PDSS2: variants seen among roughly 807,000 people sequenced by gnomAD.
PDSS2 encodes the protein all trans-polyprenyl-diphosphate synthase PDSS2.
PDSS2 carries 31 observed loss-of-function variants against 44.5 expected under a neutral mutation model. The observed-to-expected ratio is 0.70, with a 90% CI of 0.52 to 0.94. The LOEUF (loss-of-function observed/expected upper bound fraction) is 0.94, where lower values mean the gene tolerates loss of function less well. PDSS2 is among the 40% of genes least tolerant of loss of function. The probability of loss-of-function intolerance (pLI) is 0.00; values close to 1 mark genes in which losing one functional copy is unlikely to be tolerated. For synonymous variants in PDSS2, 157 were observed against 180.3 expected, an observed-to-expected ratio of 0.87 and a Z score of 1.03; for missense variants, 452 against 482.2, an observed-to-expected ratio of 0.94 and a Z score of 0.59.
chr6:107,293,218 G>A (rs1038396523), intron 2 of PDSS2, among the ~76,000 whole-genome samples: 6 of 152,106 alleles, frequency 3.9e-5, no homozygotes, highest in South Asian at 4.1e-4. Flanking sequence ...CTCAAGTGAC[G>A]GCTCATTTCC....
chr6:107,225,511 T>C (rs1269296165), intron 4 of PDSS2, among the ~76,000 whole-genome samples: 1 of 151,996 alleles, frequency 6.6e-6, no homozygotes, highest in African/African-American at 2.4e-5. Context: ...CTACTCTATA[T>C]TATTGGTCAC....
chr6:107,225,161 A>ATTT (rs71012786), intron 4 of PDSS2, among the ~76,000 whole-genome samples: 12 of 50,388 alleles, frequency 2.4e-4, no homozygotes, highest in Admixed American at 2.9e-4. Context: ...ATATATATAT[A>ATTT]TTTTTTTTTT....
chr6:107,388,478 T>C (rs1027377274), intron 1 of PDSS2, among the ~76,000 whole-genome samples: 3 of 148,928 alleles, frequency 2.0e-5, no homozygotes, highest in African/African-American at 7.5e-5. Context: ...AGACGGAGTC[T>C]CGCTCTGTCG....
At chr6:107,282,559 CT>C (rs879504384) in intron 2 of PDSS2, among the ~76,000 whole-genome samples, 96 of 146,150 alleles carry the variant, frequency 6.6e-4, no homozygotes, top group Admixed American at 6.2e-4. Context: ...TACCTGGCTG[CT>C]TTTTTTTTTT....
intron 2 of PDSS2, among the ~76,000 whole-genome samples, chr6:107,311,707 G>C (rs1777052188): frequency 6.6e-6 from 1 of 152,154 alleles, no homozygotes. Context: ...GAAAGACCTG[G>C]TTGAAATCTT....
intron 1 of PDSS2, among the ~76,000 whole-genome samples, chr6:107,336,507 T>C (rs1327788760): frequency 6.6e-6 from 1 of 152,112 alleles, no homozygotes; most frequent in Non-Finnish European, 1.5e-5. Flanking sequence ...GAAGTTAAAG[T>C]AATACAGTTA....
intron 1 of PDSS2, among the ~76,000 whole-genome samples, chr6:107,362,207 T>C (rs1049669029): frequency 3.3e-5 from 5 of 151,864 alleles, no homozygotes; most frequent in African/African-American, 1.2e-4. Flanking sequence ...AGAGGGCCCA[T>C]ATATCCCTGG....
chr6:107,237,506 G>A (rs947307006), intron 4 of PDSS2, among the ~76,000 whole-genome samples: 4 of 151,836 alleles, frequency 2.6e-5, no homozygotes, highest in Non-Finnish European at 5.9e-5. Context: ...GCCTCCCAAA[G>A]TGCTGGGATT....
chr6:107,238,510 C>T (rs1247821628), intron 4 of PDSS2, among the ~76,000 whole-genome samples: 1 of 152,168 alleles, frequency 6.6e-6, no homozygotes, highest in Admixed American at 6.5e-5. Context: ...AGTGGAGTCA[C>T]GCAGAGTGTG....
At chr6:107,424,369 T>A (rs1780923751) in intron 1 of PDSS2, among the ~76,000 whole-genome samples, 1 of 152,144 alleles carries the variant, frequency 6.6e-6, no homozygotes, top group African/African-American at 2.4e-5. Flanking sequence ...AACTGCATCA[T>A]TATTTGCATC....
rs571610483 is a variant in PDSS2, at chr6:107,172,236, C to T, written c.1042-17459G>A. Among the ~76,000 whole-genome samples the T allele has an allele frequency of 3.4e-4, 52 of 152,314 alleles. 2 individuals carry two copies. Among genetic ancestry groups the T allele is most frequent in the African/African-American group, 1.1e-3 (44 of 41,568 alleles). ...ATGTTGCTCTTACATAAAAGACCCT[C>T]TTGAGAAAATCACTGTATGTCTCTG... On this transcript the variant is annotated intron_variant, in intron 7 of 7. Coordinates refer to ENST00000369037, the MANE Select transcript of PDSS2 (RefSeq NM_020381.4).
chr6:107,353,103 C>T (rs2115342410), intron 1 of PDSS2, among the ~76,000 whole-genome samples: 1 of 152,160 alleles, frequency 6.6e-6, no homozygotes, highest in African/African-American at 2.4e-5. Flanking sequence ...AAAGCTGGAA[C>T]AGATGCAATC....
intron 1 of PDSS2, among the ~76,000 whole-genome samples, chr6:107,399,997 A>G (rs188111139): frequency 6.5e-4 from 99 of 152,272 alleles, no homozygotes; most frequent in Middle Eastern, 3.4e-3. Context: ...ACTTTGAAAA[A>G]TAAGAGCGGG....
chr6:107,424,929 G>A (rs964480363), intron 1 of PDSS2, among the ~76,000 whole-genome samples: 3 of 152,204 alleles, frequency 2.0e-5, no homozygotes, highest in African/African-American at 7.2e-5. Flanking sequence ...TGTGCCGTGG[G>A]AGGAACCCAG....
At position 107,429,884 on chromosome 6, in the gene PDSS2, C is replaced by CAAAAA. The variant is rs1163895804; in HGVS notation, c.296+29101_296+29105dup. 5.6e-3 allele frequency among the ~76,000 whole-genome samples: 30 copies of CAAAAA among 5,356 alleles called. 1 individual carries two copies. Among genetic ancestry groups the CAAAAA allele is most frequent in the South Asian group, 0.011 (1 of 90 alleles). 3.5% of individuals were successfully genotyped at this position (5,356 alleles called of 152,430 possible). On this transcript the variant is annotated intron_variant, in intron 1 of 7. Transcript: ENST00000369037. The stretch of plus-strand genomic sequence containing the variant: ...GGGCAACAAGAGCAAAACTTAGTCT[C>CAAAAA]AAAAAAAAAAAAAAAAAATATATAT...
rs1279712257 is a variant in PDSS2, at chr6:107,334,250, T to C, written c.379A>G (p.Ser127Gly). The change falls in exon 2 of 8, where the codon AGC becomes GGC. Residue 127 changes from serine to glycine, a missense_variant. Transcript: ENST00000369037. Reference protein sequence around the residue: ...LLISKAAGPSSVNTSCQNYDM... With the variant: ...LLISKAAGPSGVNTSCQNYDM... Reference sequence around the variant, plus strand: ...TAGTTCTGACATGAAGTGTTCACGCTGCTGGGCCCAGCTGCTTTAGAGATA... The same window carrying C: ...TAGTTCTGACATGAAGTGTTCACGCCGCTGGGCCCAGCTGCTTTAGAGATA... The C allele has an allele frequency of 6.2e-7, 1 of 1,613,232 alleles. No homozygotes were observed. The highest frequency in any genetic ancestry group is 1.7e-5 in the Admixed American group (1 of 60,024).
At chr6:107,279,759 C>T (rs926495097) in intron 2 of PDSS2, among the ~76,000 whole-genome samples, 21 of 152,152 alleles carry the variant, frequency 1.4e-4, no homozygotes, top group African/African-American at 7.2e-5. Flanking sequence ...AATGACTGGT[C>T]GTCTTTAAAT....
chr6:107,432,197 A>C (rs1583077253), intron 1 of PDSS2, among the ~76,000 whole-genome samples: 1 of 152,212 alleles, frequency 6.6e-6, no homozygotes, highest in East Asian at 1.9e-4. Flanking sequence ...CTGGGTAATC[A>C]ACACATAGAT....
intron 1 of PDSS2, among the ~76,000 whole-genome samples, chr6:107,409,364 T>C (rs1443940039): frequency 1.3e-5 from 2 of 152,176 alleles, no homozygotes; most frequent in Non-Finnish European, 2.9e-5. Flanking sequence ...CGAAAATCTC[T>C]GTTTGAAACT....
Sources: gnomAD v4.1 joint callset for allele counts (sites outside exome capture counted in the v4.1 genomes callset) on GRCh38, gnomAD v4.1.1 for gene constraint, MANE v1.5 for transcripts, NCBI Gene and HGNC (gene_info 2026-07-23, HGNC 2026-07-21) for gene names.